The following NXF1 variants were observed in gnomAD, a reference collection of about 807,000 sequenced individuals.
NXF1 encodes nuclear RNA export factor 1.
NXF1 carries 43 observed loss-of-function variants against 92.4 expected under a neutral mutation model. The observed-to-expected ratio is 0.47, with a 90% CI of 0.36 to 0.60. The LOEUF is 0.60. Among genes scored for constraint, NXF1 ranks in the 20% least tolerant of loss-of-function variants. The pLI, the probability that NXF1 is intolerant of heterozygous loss-of-function variation, is 0.00. For synonymous variants in NXF1, 288 were observed against 292.2 expected, an observed-to-expected ratio of 0.99 and a Z score of 0.15; for missense variants, 576 against 793.0, an observed-to-expected ratio of 0.73 and a Z score of 3.29.
At chr11:62,801,677 G>T (rs574247208) in intron 6 of NXF1, 46 bp from the exon 7 acceptor site, 1 of 1,605,856 alleles carries the variant, frequency 6.2e-7, no homozygotes, top group Non-Finnish European at 8.5e-7. Flanking sequence ...TTGTGTGTGG[G>T]GGGTGGGGGT....
chr11:62,802,757 C>A (rs1565201722), intron 3 of NXF1, among the ~76,000 whole-genome samples: 3 of 150,656 alleles, frequency 2.0e-5, no homozygotes. Context: ...TATAATCTCT[C>A]AAAAAAAAAT....
Position 62,796,564 on chromosome 11 carries a change from G to A in NXF1, c.1182C>T (p.Tyr394=). The A allele has an allele frequency of 6.2e-7, 1 of 1,604,706 alleles. No individual in the cohort carries two copies. The highest frequency in any genetic ancestry group is 8.5e-7 in the Non-Finnish European group (1 of 1,171,404). The change falls in exon 14 of 21, where the codon TAC becomes TAT. Residue 394 remains tyrosine, a synonymous_variant. Transcript: ENST00000294172. ...GGTCTCCAGAGTCGTAAATTGCATAGTACCTATGGGAAAAACAAAAAAGAA... is the reference window on the plus strand; with the variant it reads ...GGTCTCCAGAGTCGTAAATTGCATAATACCTATGGGAAAAACAAAAAAGAA... ...KSLVLHFLQQ[Y]YAIYDSGDRQ...
rs558374927 is a variant in NXF1 at position 62,794,578 on chromosome 11, C to G, written c.1578-138G>C. The G allele has an allele frequency of 3.1e-4, 230 of 745,206 alleles. No homozygotes were observed. In the African/African-American group the frequency reaches 3.8e-3, roughly 12 times the overall value. The allele number at this position is 745,206 out of a possible 1,614,324, so 46.2% of individuals were successfully genotyped here. A position where few individuals can be genotyped will look rare whatever the true frequency, so the allele number is the denominator to read the frequency against. Reference sequence around the variant, plus strand: ...TATTGTTACCTTTTATCATTTATCCCCTCCCATGGAATCAATGTTTGGAAG... The same window carrying G: ...TATTGTTACCTTTTATCATTTATCCGCTCCCATGGAATCAATGTTTGGAAG... On this transcript the variant is annotated intron_variant, in intron 18 of 20. Transcript: ENST00000294172.
chr11:62,796,961 G>C (rs188175128), intron 13 of NXF1: 4 of 583,600 alleles, frequency 6.9e-6, no homozygotes, highest in Non-Finnish European at 1.2e-5. Flanking sequence ...CAGCTACTGG[G>C]GAGGCTGAGG....
chr11:62,800,752 G>A (rs2084470078), intron 9 of NXF1, among the ~76,000 whole-genome samples: 1 of 151,814 alleles, frequency 6.6e-6, no homozygotes, highest in Non-Finnish European at 1.5e-5. Context: ...ACAGGCATGT[G>A]ACATCATGCT....
rs560534502 is a variant in NXF1 at position 62,794,011 on chromosome 11, A to T, written c.1760+247T>A. Among the ~76,000 whole-genome samples, 205 of 151,720 alleles carry T rather than the reference A, an allele frequency of 1.4e-3. 1 individual carries two copies. Among genetic ancestry groups the T allele is most frequent in the East Asian group, 5.3e-3 (27 of 5,142 alleles). The stretch of plus-strand genomic sequence containing the variant: ...GCAAGACTCCACCTCCAAAAAAAAA[A>T]AATAATAAAATAAAATAAGGTGGCA... On this transcript the variant is annotated intron_variant, in intron 19 of 20. Transcript: ENST00000294172.
chr11:62,803,321 AAT>A, intron 3 of NXF1, 96 bp downstream of exon 3: 2 of 1,054,398 alleles, frequency 1.9e-6, no homozygotes, highest in Non-Finnish European at 2.7e-6. Context: ...ATTTAAAAAA[AAT>A]AATAATAATA....
intron 10 of NXF1, chr11:62,799,705 C>A: frequency 1.0e-6 from 1 of 986,164 alleles, no homozygotes; most frequent in Non-Finnish European, 1.2e-6. Context: ...CGCCCAGCAC[C>A]TGCCTTGGGA....
chr11:62,796,070 T>C lies in NXF1; in HGVS notation c.1457A>G (p.Gln486Arg). ...VNSFVVDISA[Q>R]TSTLLCFSVN... ...CAGGCGCAAGCAGGAGCTTACTGTC[T>C]GGGCGCTTATGTCTACCACGAAGGA... Residue 486 changes from glutamine to arginine, a missense_variant, in exon 16 of 21, where the codon CAG becomes CGG. Gln to Arg is a conservative substitution (Grantham distance 43). Around this residue, in one of 2 missense-constraint regions of NXF1, gnomAD observed 425 missense variants for 635.2 expected, o/e 0.67. Transcript: ENST00000294172. The C allele has an allele frequency of 6.2e-7, 1 of 1,611,618 alleles. No homozygotes were observed. Among genetic ancestry groups the C allele is most frequent in the Non-Finnish European group, 8.5e-7 (1 of 1,178,896 alleles).
At chr11:62,804,613 C>T (rs2084514181) in intron 1 of NXF1, among the ~76,000 whole-genome samples, 1 of 152,104 alleles carries the variant, frequency 6.6e-6, no homozygotes, top group Admixed American at 6.6e-5. Context: ...TGCCTAATAC[C>T]CAGCACTCTG....
intron 18 of NXF1, 145 bp from the exon 19 acceptor site, chr11:62,794,585 T>C: frequency 2.8e-6 from 2 of 710,686 alleles, no homozygotes; most frequent in South Asian, 3.8e-5. Flanking sequence ...TCCCCTCCCA[T>C]GGAATCAATG....
At position 62,801,611 on chromosome 11, in the gene NXF1, G is replaced by A. The variant is rs150232290; in HGVS notation, c.660C>T (p.Tyr220=). 101 of 1,613,864 alleles carry A rather than the reference G, an allele frequency of 6.3e-5. No homozygotes were observed. In the African/African-American group the frequency reaches 9.2e-4, roughly 15 times the overall value. Residue 220 remains tyrosine, a synonymous_variant, in exon 7 of 21, where the codon TAC becomes TAT. Coordinates refer to ENST00000294172, the MANE Select transcript of NXF1 (RefSeq NM_006362.5). ...GGTCAAGGGCTTGTTGGGAGCCATC[G>A]TATCGTTTGCTCATGATCAGCTAGA... ...EQLKLIMSKR[Y]DGSQQALDLK...
chr11:62,793,819 TAAA>T (rs56389050), intron 19 of NXF1, among the ~76,000 whole-genome samples: 6 of 86,500 alleles, frequency 6.9e-5, no homozygotes, highest in African/African-American at 2.9e-4. Context: ...CCGTCTCTAC[TAAA>T]AAAAAAAAAA....
At position 62,803,963 on chromosome 11, in the gene NXF1, C is replaced by T. The variant is rs753268990; in HGVS notation, c.44G>A (p.Arg15His). Residue 15 changes from arginine to histidine, a missense_variant, in exon 2 of 21, where the codon CGC becomes CAC. This residue lies in a region of NXF1 where 151 missense variants were observed against 157.8 expected (regional missense o/e 0.96). Coordinates refer to ENST00000294172, the MANE Select transcript of NXF1 (RefSeq NM_006362.5). ...GKSYSEHDDE[R>H]VNFPQRKKKG... is the part of the protein sequence containing the mutation. The stretch of plus-strand genomic sequence containing the variant: ...CTTCTTTCTTTGAGGGAAATTAACG[C>T]GTTCATCATCGTGTTCTAGAGTTAG... 1.3e-5 allele frequency: 21 copies of T among 1,613,582 alleles called. No individual in the cohort carries two copies. The highest frequency in any genetic ancestry group is 1.5e-5 in the Non-Finnish European group (18 of 1,179,916).
chr11:62,794,243 A>AT lies in NXF1; in HGVS notation c.1760+14dup. On this transcript the variant is annotated intron_variant, in intron 19 of 20. Coordinates refer to ENST00000294172, the MANE Select transcript of NXF1 (RefSeq NM_006362.5). ...ACTTCAGTGCATCCCCATCCTACAC[A>AT]TGCCCCGCACTCACTTCTGGGACCA... The AT allele has an allele frequency of 6.2e-7, 1 of 1,605,096 alleles. No homozygotes were observed. The highest frequency in any genetic ancestry group is 1.1e-5 in the South Asian group (1 of 90,844).
In NXF1 at chr11:62,796,187, G is replaced by A; in HGVS notation, c.1346-6C>T. 6.2e-7 allele frequency: 1 copy of A among 1,614,074 alleles called. No individual in the cohort carries two copies. Among genetic ancestry groups the A allele is most frequent in the Non-Finnish European group, 8.5e-7 (1 of 1,179,950 alleles). On this transcript the variant is annotated splice_region_variant and splice_polypyrimidine_tract_variant and intron_variant, in intron 15 of 20. Coordinates refer to ENST00000294172, the MANE Select transcript of NXF1 (RefSeq NM_006362.5). ...CAGCAGCCGGAACCGCAAGGCTGTG[G>A]GTAGAGGAGAAAGCTCAGTGGTGCT...
Position 62,805,437 on chromosome 11 carries a change from A to G in NXF1, c.-81T>C. 1.3e-6 allele frequency: 2 copies of G among 1,591,102 alleles called. No individual in the cohort carries two copies. Among genetic ancestry groups the G allele is most frequent in the Non-Finnish European group, 1.7e-6 (2 of 1,166,474 alleles). ...CCTAACTCCCAAGCGCTCAGGACCG[A>G]AGTGTCCCTACGCCGGGCGCCACCG... On this transcript the variant is annotated 5_prime_UTR_variant, in exon 1 of 21. Coordinates refer to ENST00000294172, the MANE Select transcript of NXF1 (RefSeq NM_006362.5).
At chr11:62,792,889 A>G in intron 19 of NXF1, 188 bp from the exon 20 acceptor site, 1 of 598,182 alleles carries the variant, frequency 1.7e-6, no homozygotes, top group African/African-American at 1.9e-5. Context: ...AAGATAAGGA[A>G]TATTAAATAG....
chr11:62,803,742 A>G (rs2084504504), intron 2 of NXF1, 50 bp downstream of exon 2: 7 of 1,586,292 alleles, frequency 4.4e-6, no homozygotes, highest in Non-Finnish European at 6.0e-6. Context: ...TAAAAGGGCC[A>G]TATAATCTCA....
Sources: gnomAD v4.1 joint callset for allele counts (sites outside exome capture counted in the v4.1 genomes callset) on GRCh38, gnomAD v4.1.1 for gene constraint, gnomAD v4.1.1 regional missense constraint, MANE v1.5 for transcripts, NCBI Gene and HGNC (gene_info 2026-07-23, HGNC 2026-07-21) for gene names.